The following VCAN variants were observed in gnomAD, a reference collection of about 807,000 sequenced individuals.
The protein encoded by VCAN is versican.
In VCAN, 44 loss-of-function variants were observed where a neutral mutation model predicts 245.5. That is an observed-to-expected ratio of 0.18 (90% confidence interval 0.14 to 0.23). The LOEUF is 0.23. Ranked by LOEUF, VCAN falls within the 10% of genes least tolerant of loss-of-function variation. VCAN has a pLI of 1.00. For synonymous variants in VCAN, 1,413 were observed against 1,437.0 expected (o/e 0.98, Z 0.38); for missense variants, 3,793 against 4,057.9 (o/e 0.93, Z 1.77).
At chr5:83,481,816 CA>C (rs1029244602) in intron 1 of VCAN, among the ~76,000 whole-genome samples, 1 of 151,974 alleles carries the variant, frequency 6.6e-6, no homozygotes. Context: ...AAATCAAATG[CA>C]AAAAAATTAA....
At position 83,538,529 on chromosome 5, in the gene VCAN, C is replaced by T. The variant is rs150593011; in HGVS notation, c.5526C>T (p.Ala1842=). Residue 1842 remains alanine, a synonymous_variant, in exon 8 of 15, where the codon GCC becomes GCT. Transcript: ENST00000265077. ...FMEQGSGEAA[A]DPETTTVSSF... ...AGCAGGGCTCTGGAGAAGCTGCTGC[C>T]GACCCAGAAACCACCACTGTTTCTT... 1.5e-4 allele frequency: 241 copies of T among 1,613,972 alleles called. 2 individuals are homozygous for T. Among genetic ancestry groups the T allele is most frequent in the Middle Eastern group, 1.2e-3 (7 of 6,062 alleles).
chr5:83,555,517 T>G (rs1261073482), intron 12 of VCAN, among the ~76,000 whole-genome samples: 1 of 152,232 alleles, frequency 6.6e-6, no homozygotes, highest in Non-Finnish European at 1.5e-5. Context: ...CTTGTGAATT[T>G]CTGCCAACTA....
chr5:83,544,612 ACT>A (rs1747134543), intron 8 of VCAN, among the ~76,000 whole-genome samples: 1 of 152,004 alleles, frequency 6.6e-6, no homozygotes, highest in Non-Finnish European at 1.5e-5. Flanking sequence ...AAAACTTTCA[ACT>A]CTCATTTGGA....
intron 7 of VCAN, among the ~76,000 whole-genome samples, chr5:83,534,347 A>T (rs1746627112): frequency 6.6e-6 from 1 of 152,066 alleles, no homozygotes; most frequent in Non-Finnish European, 1.5e-5. Context: ...TTCCTTATTT[A>T]TCCTTGTGTT....
intron 12 of VCAN, among the ~76,000 whole-genome samples, chr5:83,565,246 G>T (rs1238942223): frequency 6.6e-6 from 1 of 152,170 alleles, no homozygotes; most frequent in African/African-American, 2.4e-5. Context: ...GTAGGTTGCT[G>T]TCTACTCTGC....
chr5:83,578,962 T>A (rs919692814), intron 13 of VCAN, among the ~76,000 whole-genome samples: 4 of 152,186 alleles, frequency 2.6e-5, no homozygotes, highest in African/African-American at 9.6e-5. Flanking sequence ...TGGATTTTTT[T>A]AAAATTCAAA....
intron 1 of VCAN, among the ~76,000 whole-genome samples, chr5:83,473,418 G>C (rs1469485586): frequency 2.0e-5 from 3 of 152,144 alleles, no homozygotes; most frequent in Non-Finnish European, 2.9e-5. Context: ...CCTGCCGCGC[G>C]CACACCCGCG....
In VCAN at chr5:83,539,666, A is replaced by G. The variant is rs759760588; in HGVS notation, c.6663A>G (p.Val2221=). The change falls in exon 8 of 15, where the codon GTA becomes GTG. Residue 2221 remains valine, a synonymous_variant. Transcript: ENST00000265077. ...CTGAATCTATACCAGCTGAACATGT[A>G]GTCACAGATTCACCAATCAAAAAGG... is the stretch of plus-strand genomic sequence containing the variant. ...LVTESIPAEH[V]VTDSPIKKEE... The G allele has an allele frequency of 1.2e-6, 2 of 1,613,880 alleles. No homozygotes were observed. Among genetic ancestry groups the G allele is most frequent in the Non-Finnish European group, 1.7e-6 (2 of 1,179,974 alleles).
intron 5 of VCAN, among the ~76,000 whole-genome samples, chr5:83,496,601 A>G (rs1177407850): frequency 6.6e-6 from 1 of 152,222 alleles, no homozygotes; most frequent in Non-Finnish European, 1.5e-5. Context: ...GATATTCAGC[A>G]TGTTTACAAT....
chr5:83,483,156 C>G (rs1429092816), intron 1 of VCAN, among the ~76,000 whole-genome samples: 1 of 152,174 alleles, frequency 6.6e-6, no homozygotes, highest in African/African-American at 2.4e-5. Context: ...TCTTTTTGTG[C>G]CAGCTCCTAT....
chr5:83,566,072 C>T (rs1748069164), intron 12 of VCAN, among the ~76,000 whole-genome samples: 1 of 149,616 alleles, frequency 6.7e-6, no homozygotes, highest in Non-Finnish European at 1.5e-5. Flanking sequence ...AAGTGATTCT[C>T]CTGCCTCAGC....
intron 7 of VCAN, among the ~76,000 whole-genome samples, chr5:83,523,849 G>A (rs1250182202): frequency 6.6e-6 from 1 of 151,954 alleles, no homozygotes; most frequent in African/African-American, 2.4e-5. Context: ...CCAGTAAGTC[G>A]GAATGAGGAT....
At chr5:83,487,919 AAGACAT>A (rs1744847869) in intron 2 of VCAN, among the ~76,000 whole-genome samples, 1 of 152,172 alleles carries the variant, frequency 6.6e-6, no homozygotes. Context: ...GAAGAATTGG[AAGACAT>A]ATATTTTAAA....
intron 6 of VCAN, among the ~76,000 whole-genome samples, chr5:83,516,473 G>A (rs1378963087): frequency 6.6e-6 from 1 of 152,178 alleles, no homozygotes; most frequent in African/African-American, 2.4e-5. Flanking sequence ...GCTGCTAATG[G>A]GGGTTTTAAG....
rs754260975 is a variant in VCAN at position 83,540,845 on chromosome 5, T to A, written c.7842T>A (p.Asp2614Glu). 4.5e-5 allele frequency: 72 copies of A among 1,613,946 alleles called. No homozygotes were observed. Among genetic ancestry groups the A allele is most frequent in the Non-Finnish European group, 5.3e-5 (63 of 1,179,992 alleles). Residue 2614 changes from aspartate to glutamate, a missense_variant, in exon 8 of 15, where the codon GAT becomes GAA. By Grantham distance (45) the Asp-to-Glu change is conservative (BLOSUM62 2). This residue lies in a region of VCAN where 3,182 missense variants were observed against 3,250.3 expected (regional missense o/e 0.98). Transcript: ENST00000265077. Reference protein sequence around the residue: ...EPHDSNDESNDDSTQVQEIYE... With the variant: ...EPHDSNDESNEDSTQVQEIYE... The stretch of plus-strand genomic sequence containing the variant: ...ATGACAGTAATGATGAAAGTAATGA[T>A]GACAGCACTCAAGTTCAAGAGATCT...
In VCAN at chr5:83,572,575, G is replaced by A; in HGVS notation, c.9880+15G>A. 1.2e-6 allele frequency: 2 copies of A among 1,613,448 alleles called. No homozygotes were observed. The highest frequency in any genetic ancestry group is 1.7e-6 in the Non-Finnish European group (2 of 1,179,628). ...GAAAGGAACAGGTAATGATCACCCT[G>A]TTAATAATGTGTACTTAATCTTCAT... On this transcript the variant is annotated intron_variant, in intron 13 of 14. Transcript: ENST00000265077.
At chr5:83,475,532 A>G (rs4703956) in intron 1 of VCAN, among the ~76,000 whole-genome samples, 1 of 152,224 alleles carries the variant, frequency 6.6e-6, no homozygotes, top group African/African-American at 2.4e-5. Flanking sequence ...ATAGGAAGGT[A>G]CCAATGGAAG....
At chr5:83,576,637 A>G (rs1748492331) in intron 13 of VCAN, among the ~76,000 whole-genome samples, 1 of 152,108 alleles carries the variant, frequency 6.6e-6, no homozygotes, top group Admixed American at 6.6e-5. Flanking sequence ...ATCTACTTTA[A>G]AAAGCCAAAT....
At chr5:83,500,777 G>GA (rs571143915) in intron 5 of VCAN, among the ~76,000 whole-genome samples, 78 of 152,180 alleles carry the variant, frequency 5.1e-4, no homozygotes, top group Non-Finnish European at 9.3e-4. Context: ...TATCTCATTA[G>GA]AAAAAATCAT....
Sources: allele counts gnomAD v4.1 joint callset (sites outside exome capture counted in the v4.1 genomes callset), GRCh38; gene constraint gnomAD v4.1.1; regional missense constraint gnomAD v4.1.1; transcripts MANE v1.5; gene names NCBI Gene and HGNC (gene_info 2026-07-23, HGNC 2026-07-21).